PLEKHG4B: variants seen among roughly 807,000 people sequenced by gnomAD.
PLEKHG4B encodes pleckstrin homology domain-containing family G member 4B.
Under a neutral mutation model 121.3 loss-of-function variants are expected in PLEKHG4B, and 111 were observed. The ratio of observed to expected loss-of-function variants is 0.92; its 90% CI spans 0.78 to 1.07. The LOEUF (loss-of-function observed/expected upper bound fraction) is 1.07, where lower values mean the gene tolerates loss of function less well. Ranked by LOEUF, PLEKHG4B falls within the 50% of genes least tolerant of loss-of-function variation. The probability of loss-of-function intolerance (pLI) is 0.00; values close to 1 mark genes in which losing one functional copy is unlikely to be tolerated. For missense variants in PLEKHG4B, 1,831 were observed against 1,757.8 expected (o/e 1.04, Z -0.74); for synonymous variants, 738 against 725.0 (o/e 1.02, Z -0.29).
chr5:131,157 A>G (rs1304910847), intron 2 of PLEKHG4B, among the ~76,000 whole-genome samples: 1 of 150,326 alleles, frequency 6.7e-6, no homozygotes, highest in Non-Finnish European at 1.5e-5. Context: ...CATGTGCACA[A>G]CGTGCAGGTT....
rs576313139 is a variant in PLEKHG4B, at chr5:188,845, C to T, written c.*6522C>T. The T allele has an allele frequency of 1.4e-4, 22 of 152,424 alleles. No individual in the cohort carries two copies. The highest frequency in any genetic ancestry group is 5.3e-4 in the African/African-American group (22 of 41,590). 9.4% of individuals were successfully genotyped at this position (152,424 alleles called of 1,614,324 possible). A position where few individuals can be genotyped will look rare whatever the true frequency, so the allele number is the denominator to read the frequency against. ...CGATGCTCTCCATCCGGCCTGGCCCCACCGTGTGTATCAGGTGTCAGAGGC... is the reference window on the plus strand; with the variant it reads ...CGATGCTCTCCATCCGGCCTGGCCCTACCGTGTGTATCAGGTGTCAGAGGC... On this transcript the variant is annotated 3_prime_UTR_variant, in exon 20 of 20. Coordinates refer to ENST00000637938, the MANE Select transcript of PLEKHG4B (RefSeq NM_052909.5).
chr5:108,818 GC>G (rs1318424109), intron 1 of PLEKHG4B, among the ~76,000 whole-genome samples: 1 of 152,212 alleles, frequency 6.6e-6, no homozygotes, highest in Non-Finnish European at 1.5e-5. Context: ...TGCACACCAA[GC>G]CCTGTTTGGG....
At chr5:181,279 T>C (rs992967066) in intron 18 of PLEKHG4B, among the ~76,000 whole-genome samples, 1 of 152,150 alleles carries the variant, frequency 6.6e-6, no homozygotes, top group Non-Finnish European at 1.5e-5. Context: ...CAAGGCCTCA[T>C]GGCTTCCTTT....
At chr5:135,785 C>T (rs775094502) in intron 2 of PLEKHG4B, among the ~76,000 whole-genome samples, 15 of 138,662 alleles carry the variant, frequency 1.1e-4, no homozygotes, top group Non-Finnish European at 2.0e-4. Context: ...ATTAAAGTCT[C>T]AATGGTGTTT....
At position 157,120 on chromosome 5, in the gene PLEKHG4B, A is replaced by G. The variant is rs1318322180; in HGVS notation, c.2487+209A>G. 1.5e-5 allele frequency: 11 copies of G among 733,886 alleles called. No homozygotes were observed. Among genetic ancestry groups the G allele is most frequent in the Non-Finnish European group, 2.4e-5 (11 of 460,436 alleles). The allele number at this position is 733,886 out of a possible 1,614,324, so 45.5% of individuals were successfully genotyped here. ...CGTGAGAGATACTGGATCAGTGGAG[A>G]AAAAAAATTTGTTTAATCCAGAGGA... On this transcript the variant is annotated intron_variant, in intron 11 of 19. Coordinates refer to ENST00000637938, the MANE Select transcript of PLEKHG4B (RefSeq NM_052909.5). The surrounding 1 kb of genome is among the most constrained non-coding windows in gnomAD (Gnocchi z 4.6).
At chr5:146,244 A>G (rs1434000681) in intron 6 of PLEKHG4B, among the ~76,000 whole-genome samples, 1 of 57,152 alleles carries the variant, frequency 1.7e-5, no homozygotes, top group Non-Finnish European at 3.2e-5. Flanking sequence ...CCACCCCCAC[A>G]GTCGTTCCAC....
At chr5:98,388 A>C (rs1370359606) in intron 1 of PLEKHG4B, among the ~76,000 whole-genome samples, 1 of 140,292 alleles carries the variant, frequency 7.1e-6, no homozygotes, top group Non-Finnish European at 1.5e-5. Flanking sequence ...CCTCAATGTC[A>C]ATTCTTCTTT....
At chr5:178,566 C>T (rs1411678908) in intron 18 of PLEKHG4B, among the ~76,000 whole-genome samples, 2 of 152,044 alleles carry the variant, frequency 1.3e-5, no homozygotes, top group Non-Finnish European at 2.9e-5. Context: ...TGAAAATCTC[C>T]CATGATGATG....
intron 1 of PLEKHG4B, among the ~76,000 whole-genome samples, chr5:93,098 T>G (rs1733521416): frequency 1.3e-5 from 2 of 152,138 alleles, no homozygotes; most frequent in African/African-American, 2.4e-5. Context: ...CTAAAAAGTT[T>G]AGTTGGTACG....
intron 1 of PLEKHG4B, among the ~76,000 whole-genome samples, chr5:103,221 G>A (rs541096314): frequency 6.6e-6 from 1 of 152,344 alleles, no homozygotes; most frequent in African/African-American, 2.4e-5. Context: ...GCTCCCACCA[G>A]GTGCATCCTG....
intron 2 of PLEKHG4B, among the ~76,000 whole-genome samples, chr5:129,355 T>C (rs1401568852): frequency 6.6e-6 from 1 of 152,206 alleles, no homozygotes; most frequent in Non-Finnish European, 1.5e-5. Flanking sequence ...GTCAGTTCTT[T>C]AGGCAGAGCT....
chr5:154,621 CT>C (rs35893349), intron 7 of PLEKHG4B, among the ~76,000 whole-genome samples: 4,462 of 131,838 alleles, frequency 0.034, 129 homozygotes, highest in African/African-American at 0.11. Flanking sequence ...TCCTTCCTCC[CT>C]TTTTTTTTTT....
intron 7 of PLEKHG4B, among the ~76,000 whole-genome samples, chr5:154,586 G>T (rs1347784127): frequency 1.3e-5 from 2 of 149,544 alleles, no homozygotes; most frequent in Non-Finnish European, 3.0e-5. Flanking sequence ...AGAAGGAGAA[G>T]AGCCTTGACT....
chr5:133,922 G>A (rs57991107), intron 2 of PLEKHG4B, among the ~76,000 whole-genome samples: 34,569 of 140,670 alleles, frequency 0.25, 6,836 homozygotes, highest in African/African-American at 0.56. Context: ...TGACACACAC[G>A]CACACACACA....
intron 18 of PLEKHG4B, among the ~76,000 whole-genome samples, chr5:176,746 C>T (rs937800144): frequency 6.6e-6 from 1 of 152,242 alleles, no homozygotes; most frequent in African/African-American, 2.4e-5. Context: ...CTGGGTTCCT[C>T]TCAGGGTTCA....
chr5:172,482 A>T (rs532884550), intron 16 of PLEKHG4B, among the ~76,000 whole-genome samples: 2 of 152,318 alleles, frequency 1.3e-5, no homozygotes, highest in Admixed American at 6.5e-5. Context: ...CTCAGCAGGG[A>T]GTTCCATCAA....
intron 1 of PLEKHG4B, among the ~76,000 whole-genome samples, chr5:107,720 G>A (rs1241002400): frequency 6.6e-6 from 1 of 152,200 alleles, no homozygotes. Context: ...ATGTGTCAGT[G>A]AGGAGGGGAA....
intron 2 of PLEKHG4B, among the ~76,000 whole-genome samples, chr5:138,430 G>A (rs1338853964): frequency 5.3e-5 from 8 of 152,172 alleles, no homozygotes; most frequent in South Asian, 2.1e-4. Flanking sequence ...TTTACATTCC[G>A]AGAGTTGAAG....
rs754999362 is a variant in PLEKHG4B, at chr5:163,079, T to A, written c.3007T>A (p.Trp1003Arg). Residue 1003 changes from tryptophan (W) to arginine (R), a missense_variant, in exon 13 of 20, where the codon TGG becomes AGG. Trp to Arg is a moderately radical substitution (Grantham distance 101). Transcript: ENST00000637938. The stretch of plus-strand genomic sequence containing the variant: ...CAGCACGGACAGTGGGGGTGGTGCC[T>A]GGGAACCTGCGCAACCACTGTCCGG... ...FPSTDSGGGA[W>R]EPAQPLSGLP... is the part of the protein sequence containing the mutation. 26 of 1,563,324 alleles carry A rather than the reference T, an allele frequency of 1.7e-5. No homozygotes were observed. The highest frequency in any genetic ancestry group is 1.9e-5 in the Non-Finnish European group (22 of 1,153,980).
Sources: allele counts gnomAD v4.1 joint callset (sites outside exome capture counted in the v4.1 genomes callset), GRCh38; gene constraint gnomAD v4.1.1; non-coding constraint Gnocchi (gnomAD v3.1); transcripts MANE v1.5; gene names NCBI Gene and HGNC (gene_info 2026-07-23, HGNC 2026-07-21).